The following BCAS1 variants were observed in gnomAD, a reference collection of about 807,000 sequenced individuals.
The protein encoded by BCAS1 is breast carcinoma-amplified sequence 1.
BCAS1 carries 46 observed loss-of-function variants against 65.4 expected under a neutral mutation model. The ratio of observed to expected loss-of-function variants is 0.70; its 90% CI spans 0.55 to 0.90. The LOEUF is 0.90. BCAS1 is among the 40% of genes least tolerant of loss of function. The pLI, the probability that BCAS1 is intolerant of heterozygous loss-of-function variation, is 0.00. For synonymous variants in BCAS1, 298 were observed against 293.5 expected (o/e 1.02, Z -0.16); for missense variants, 793 against 771.2 (o/e 1.03, Z -0.33).
chr20:54,029,628 G>T (rs2091758120), intron 3 of BCAS1, among the ~76,000 whole-genome samples: 2 of 152,218 alleles, frequency 1.3e-5, no homozygotes, highest in East Asian at 3.8e-4. Context: ...AAAGGAGACA[G>T]ATAATAAATC....
intron 4 of BCAS1, among the ~76,000 whole-genome samples, chr20:54,005,908 G>T (rs1466004631): frequency 2.0e-5 from 3 of 152,146 alleles, no homozygotes; most frequent in Admixed American, 6.5e-5. Context: ...TAGGGGGCAG[G>T]TTATTCAGTT....
rs145635578 is a variant in BCAS1, at chr20:53,992,854, G to A, written c.928-208C>T. ...TAGATATACAGTGATTTTCAACAGT[G>A]ACCTATTTAAATGACCCAGATGAAC... On this transcript the variant is annotated intron_variant, in intron 6 of 12. Transcript: ENST00000688948. 2.5e-3 allele frequency among the ~76,000 whole-genome samples: 382 copies of A among 151,974 alleles called. 3 individuals carry two copies. Among genetic ancestry groups the A allele is most frequent in the African/African-American group, 8.3e-3 (345 of 41,410 alleles).
At chr20:54,009,521 T>C (rs2091276565) in intron 4 of BCAS1, among the ~76,000 whole-genome samples, 1 of 152,144 alleles carries the variant, frequency 6.6e-6, no homozygotes, top group Non-Finnish European at 1.5e-5. Flanking sequence ...ACTGACCCAA[T>C]ATAATATAAA....
chr20:53,971,649 A>G (rs2090183179), intron 9 of BCAS1, among the ~76,000 whole-genome samples: 1 of 152,246 alleles, frequency 6.6e-6, no homozygotes, highest in Non-Finnish European at 1.5e-5. Flanking sequence ...GAACCCAAGG[A>G]GAGCCCTGAA....
chr20:53,979,717 A>T (rs1205167583), intron 8 of BCAS1, among the ~76,000 whole-genome samples: 1 of 152,202 alleles, frequency 6.6e-6, no homozygotes, highest in African/African-American at 2.4e-5. Flanking sequence ...TTGGATTCCT[A>T]GAACTATCTG....
chr20:54,002,521 T>G (rs1240100948), intron 4 of BCAS1, among the ~76,000 whole-genome samples: 1 of 152,144 alleles, frequency 6.6e-6, no homozygotes, highest in Non-Finnish European at 1.5e-5. Context: ...GAGTTCGTTT[T>G]TGGTGATGCA....
At chr20:53,990,057 G>A (rs957571324) in intron 7 of BCAS1, among the ~76,000 whole-genome samples, 13 of 152,096 alleles carry the variant, frequency 8.5e-5, no homozygotes, top group Non-Finnish European at 7.4e-5. Flanking sequence ...ATAAATTTTC[G>A]TCTTGTTTTC....
intron 10 of BCAS1, among the ~76,000 whole-genome samples, chr20:53,960,014 G>T (rs1353397940): frequency 6.6e-6 from 1 of 152,068 alleles, no homozygotes; most frequent in Admixed American, 6.5e-5. Flanking sequence ...CTCCAAATTC[G>T]GGCTGTGTCG....
chr20:54,008,738 T>C (rs567628557), intron 4 of BCAS1, among the ~76,000 whole-genome samples: 14 of 151,656 alleles, frequency 9.2e-5, no homozygotes, highest in Middle Eastern at 3.4e-3. Flanking sequence ...TCAAACATAA[T>C]AAAACAAGGC....
intron 9 of BCAS1, among the ~76,000 whole-genome samples, chr20:53,969,221 A>G (rs1192896961): frequency 2.6e-5 from 4 of 152,104 alleles, no homozygotes; most frequent in Admixed American, 2.6e-4. Context: ...TTGTCTGCAT[A>G]TTAAATCAGG....
intron 6 of BCAS1, among the ~76,000 whole-genome samples, chr20:53,993,216 A>T (rs1028910655): frequency 6.6e-6 from 1 of 152,168 alleles, no homozygotes; most frequent in Admixed American, 6.6e-5. Flanking sequence ...GAACCAATCC[A>T]CTGAGGCAAA....
intron 7 of BCAS1, among the ~76,000 whole-genome samples, chr20:53,986,597 C>A (rs112740368): frequency 2.6e-5 from 4 of 151,988 alleles, no homozygotes; most frequent in African/African-American, 9.7e-5. Flanking sequence ...AAATATATTG[C>A]AATAAAAATG....
chr20:53,946,578 GTATA>G (rs2089329596), intron 12 of BCAS1, among the ~76,000 whole-genome samples: 1 of 150,672 alleles, frequency 6.6e-6, no homozygotes, highest in Non-Finnish European at 1.5e-5. Context: ...TTGTAGCATA[GTATA>G]TATAGATAGT....
chr20:53,976,237 G>A (rs77471294), intron 8 of BCAS1, among the ~76,000 whole-genome samples: 21,385 of 152,148 alleles, frequency 0.14, 1,743 homozygotes, highest in South Asian at 0.21. Context: ...TAAACTTCTG[G>A]ATGGATGGTG....
At chr20:54,013,276 C>G (rs1373969350) in intron 4 of BCAS1, among the ~76,000 whole-genome samples, 1 of 152,052 alleles carries the variant, frequency 6.6e-6, no homozygotes. Flanking sequence ...ACAACTCAAC[C>G]CTCTACCAGG....
intron 12 of BCAS1, among the ~76,000 whole-genome samples, chr20:53,948,283 C>T (rs1189877488): frequency 6.6e-6 from 1 of 152,206 alleles, no homozygotes; most frequent in Non-Finnish European, 1.5e-5. Flanking sequence ...AAACAGCAAA[C>T]TCAGATGGCC....
chr20:54,041,972 ACTT>A (rs1249068200), intron 3 of BCAS1, among the ~76,000 whole-genome samples: 2 of 150,574 alleles, frequency 1.3e-5, no homozygotes, highest in African/African-American at 2.4e-5. Flanking sequence ...TAATTTGGCC[ACTT>A]CTTTGGAAAA....
At chr20:54,008,752 C>A (rs114389847) in intron 4 of BCAS1, among the ~76,000 whole-genome samples, 1 of 151,804 alleles carries the variant, frequency 6.6e-6, no homozygotes, top group Non-Finnish European at 1.5e-5. Flanking sequence ...ACAAGGCAAT[C>A]AACAGATGTC....
chr20:53,972,689 T>A (rs146744094), intron 9 of BCAS1, among the ~76,000 whole-genome samples: 133 of 152,360 alleles, frequency 8.7e-4, no homozygotes, highest in African/African-American at 2.9e-3. Context: ...GTGGGCTGTA[T>A]TTGGCCCATG....
Sources: gnomAD v4.1 joint callset for allele counts (sites outside exome capture counted in the v4.1 genomes callset) on GRCh38, gnomAD v4.1.1 for gene constraint, MANE v1.5 for transcripts, NCBI Gene and HGNC (gene_info 2026-07-23, HGNC 2026-07-21) for gene names.